Variants in PTK2 observed in about 807,000 individuals in gnomAD.
The protein encoded by PTK2 is protein tyrosine kinase 2, also known as focal adhesion kinase 1.
PTK2 carries 45 observed loss-of-function variants against 150.1 expected under a neutral mutation model. The ratio of observed to expected loss-of-function variants is 0.30; its 90% CI spans 0.24 to 0.38. The LOEUF is 0.38. Ranked by LOEUF, PTK2 falls within the 10% of genes least tolerant of loss-of-function variation. The pLI is 1.00. For synonymous variants in PTK2, 432 were observed against 449.2 expected (o/e 0.96, Z 0.48); for missense variants, 919 against 1,307.3 (o/e 0.70, Z 4.58).
In PTK2 at chr8:140,745,870, C is replaced by T. The variant is rs568677381; in HGVS notation, c.1518+890G>A. On this transcript the variant is annotated intron_variant, in intron 18 of 31. Transcript: ENST00000522684. ...CGAAAATTAGCTGGGCCTGGCAGCACGTGCCTGTAGTCCCAGATACTCAGG... is the reference window on the plus strand; with the variant it reads ...CGAAAATTAGCTGGGCCTGGCAGCATGTGCCTGTAGTCCCAGATACTCAGG... 2.0e-5 allele frequency among the ~76,000 whole-genome samples: 3 copies of T among 151,808 alleles called. No individual in the cohort carries two copies. In the East Asian group the frequency reaches 5.8e-4, roughly 29 times the overall value.
chr8:140,889,107 TA>T (rs201897105), intron 3 of PTK2, among the ~76,000 whole-genome samples: 3 of 151,334 alleles, frequency 2.0e-5, no homozygotes, highest in Non-Finnish European at 4.4e-5. Flanking sequence ...AAAGAGTTTG[TA>T]AAAAAAAAGA....
At chr8:140,857,169 T>G (rs2100133194) in intron 5 of PTK2, among the ~76,000 whole-genome samples, 2 of 152,212 alleles carry the variant, frequency 1.3e-5, no homozygotes, top group Admixed American at 6.5e-5. Flanking sequence ...ATAGTGGCCT[T>G]TACCTTCTTA....
chr8:140,981,754 G>A (rs1259585233), intron 1 of PTK2, among the ~76,000 whole-genome samples: 1 of 152,172 alleles, frequency 6.6e-6, no homozygotes, highest in Non-Finnish European at 1.5e-5. Flanking sequence ...CTGTACAGCA[G>A]AGCTGAGTAC....
intron 1 of PTK2, among the ~76,000 whole-genome samples, chr8:140,970,926 A>T (rs1426153102): frequency 6.6e-6 from 1 of 152,088 alleles, no homozygotes; most frequent in Non-Finnish European, 1.5e-5. Flanking sequence ...CTTGCTTAAG[A>T]CTATAAGCTT....
At chr8:140,911,516 T>C (rs1319303466) in intron 2 of PTK2, among the ~76,000 whole-genome samples, 1 of 152,200 alleles carries the variant, frequency 6.6e-6, no homozygotes, top group African/African-American at 2.4e-5. Context: ...GACACATTGA[T>C]AGTCTGATTT....
intron 1 of PTK2, among the ~76,000 whole-genome samples, chr8:140,946,255 G>T (rs550348073): frequency 1.3e-5 from 2 of 152,202 alleles, no homozygotes; most frequent in Admixed American, 6.5e-5. Context: ...AAGAAAACAA[G>T]AAAAACAAAG....
chr8:140,834,801 T>A (rs1180103826), intron 7 of PTK2, among the ~76,000 whole-genome samples: 1 of 152,238 alleles, frequency 6.6e-6, no homozygotes, highest in East Asian at 1.9e-4. Context: ...AATGTTTAAC[T>A]GACCTCTATC....
chr8:140,744,169 G>A (rs1474815601), intron 19 of PTK2, among the ~76,000 whole-genome samples: 1 of 151,706 alleles, frequency 6.6e-6, no homozygotes, highest in Non-Finnish European at 1.5e-5. Flanking sequence ...CAAATTTTAA[G>A]GGTCTTTACT....
chr8:140,833,026 A>G (rs1455258447), intron 7 of PTK2: 1 of 518,944 alleles, frequency 1.9e-6, no homozygotes, highest in African/African-American at 1.9e-5. Flanking sequence ...TAAAGAACTT[A>G]CCATATTCAT....
intron 5 of PTK2, among the ~76,000 whole-genome samples, chr8:140,861,098 T>C (rs2100135813): frequency 1.3e-5 from 2 of 152,188 alleles, no homozygotes; most frequent in Admixed American, 6.5e-5. Flanking sequence ...CCCAGCACTT[T>C]GGGAGGCCAG....
intron 3 of PTK2, among the ~76,000 whole-genome samples, chr8:140,889,057 G>GA (rs974176809): frequency 4.0e-5 from 6 of 149,280 alleles, no homozygotes; most frequent in South Asian, 2.1e-4. Context: ...CACAGAAGTA[G>GA]AAAAAAAACA....
chr8:140,672,103 T>C (rs943136450), intron 29 of PTK2: 7 of 447,396 alleles, frequency 1.6e-5, no homozygotes, highest in Admixed American at 5.0e-5. Context: ...CCGATCTACC[T>C]GTAAAGTTGG....
At chr8:140,808,148 T>C (rs2100099208) in intron 10 of PTK2, among the ~76,000 whole-genome samples, 1 of 152,220 alleles carries the variant, frequency 6.6e-6, no homozygotes, top group African/African-American at 2.4e-5. Flanking sequence ...GGAGAAACTA[T>C]ACATTTTTCT....
chr8:140,773,654 G>T lies in PTK2; in HGVS notation c.1178-9364C>A, dbSNP rs1003932178. On this transcript the variant is annotated intron_variant, in intron 14 of 31. Transcript: ENST00000522684. ...TGGATGAAGAGTTGGGAGTGGGAAG[G>T]GGGAGGTGGCACTGAGATGCACTCA... Among the ~76,000 whole-genome samples the T allele has an allele frequency of 9.9e-5, 15 of 152,230 alleles. No individual in the cohort carries two copies. In the East Asian group the frequency reaches 2.7e-3, roughly 27 times the overall value.
chr8:140,675,432 C>G, intron 28 of PTK2, 28 bp downstream of exon 31: 1 of 1,606,916 alleles, frequency 6.2e-7, no homozygotes, highest in Non-Finnish European at 8.5e-7. Flanking sequence ...AAACTAACTT[C>G]TTTCCGCCCA....
chr8:140,668,248 C>T (rs2093489187), intron 30 of PTK2, 21 bp downstream of exon 34: 3 of 1,613,556 alleles, frequency 1.9e-6, no homozygotes, highest in Admixed American at 1.7e-5. Context: ...TTTGCCAGTA[C>T]ACAAAATGAC....
chr8:140,805,005 A>C (rs1370211783), intron 10 of PTK2, among the ~76,000 whole-genome samples: 1 of 152,042 alleles, frequency 6.6e-6, no homozygotes, highest in Non-Finnish European at 1.5e-5. Flanking sequence ...CTCAATCTAC[A>C]AATGTGAAAG....
At chr8:140,901,211 C>A (rs1015372449) in intron 2 of PTK2, among the ~76,000 whole-genome samples, 1 of 149,580 alleles carries the variant, frequency 6.7e-6, no homozygotes, top group Non-Finnish European at 1.5e-5. Context: ...TAACTGTATG[C>A]AGGAGAATGA....
intron 23 of PTK2, among the ~76,000 whole-genome samples, 172 bp from the exon 27 acceptor site, chr8:140,706,377 C>T (rs1415244303): frequency 6.6e-6 from 1 of 152,190 alleles, no homozygotes; most frequent in Non-Finnish European, 1.5e-5. Context: ...GATGCTGTGG[C>T]AACTGGATAG....
Sources: allele counts gnomAD v4.1 joint callset (sites outside exome capture counted in the v4.1 genomes callset), GRCh38; gene constraint gnomAD v4.1.1; transcripts MANE v1.5; gene names NCBI Gene and HGNC (gene_info 2026-07-23, HGNC 2026-07-21).